Variants in GRIK2 observed in about 807,000 individuals in gnomAD.
GRIK2 encodes glutamate ionotropic receptor kainate type subunit 2.
GRIK2 carries 32 observed loss-of-function variants against 100.3 expected under a neutral mutation model. The observed-to-expected ratio is 0.32, with a 90% CI of 0.24 to 0.43. The LOEUF (loss-of-function observed/expected upper bound fraction) is 0.43. Ranked by LOEUF, GRIK2 falls within the 20% of genes least tolerant of loss-of-function variation. The pLI is 1.00. For missense variants in GRIK2, 843 were observed against 1,114.9 expected, an observed-to-expected ratio of 0.76 and a Z score of 3.47; for synonymous variants, 417 against 389.4, an observed-to-expected ratio of 1.07 and a Z score of -0.83.
intron 1 of GRIK2, among the ~76,000 whole-genome samples, chr6:101,395,971 TATATAATTGCCTG>T (rs1774988998): frequency 6.6e-6 from 1 of 152,180 alleles, no homozygotes; most frequent in African/African-American, 2.4e-5. Context: ...TTACTAAGTA[TATATAATTGCCTG>T]ATATCCAATA....
intron 2 of GRIK2, among the ~76,000 whole-genome samples, chr6:101,465,614 G>T (rs2128253874): frequency 6.6e-6 from 1 of 152,220 alleles, no homozygotes; most frequent in African/African-American, 2.4e-5. Context: ...TCACCCAGTA[G>T]ATCTGCGGTG....
intron 14 of GRIK2, among the ~76,000 whole-genome samples, chr6:102,033,832 G>A (rs1215222988): frequency 6.6e-6 from 1 of 151,390 alleles, no homozygotes; most frequent in African/African-American, 2.4e-5. Flanking sequence ...TGTTAGTATT[G>A]TAGATCAGAT....
At chr6:101,434,193 A>G (rs1769586433) in intron 2 of GRIK2, among the ~76,000 whole-genome samples, 1 of 152,218 alleles carries the variant, frequency 6.6e-6, no homozygotes, top group Non-Finnish European at 1.5e-5. Flanking sequence ...GCAGAGTTCT[A>G]GAGGCCTTCA....
At position 101,780,016 on chromosome 6, in the gene GRIK2, A is replaced by G. The variant is rs77865889; in HGVS notation, c.952-19632A>G. On this transcript the variant is annotated intron_variant, in intron 7 of 16. Transcript: ENST00000369134. ...GATGTAAATGACCACAGATTTATCT[A>G]ACTATCTCATATGGATTTTAATAAC... 7.2e-3 allele frequency among the ~76,000 whole-genome samples: 1,097 copies of G among 152,250 alleles called. 7 individuals are homozygous for G. The highest frequency in any genetic ancestry group is 9.8e-3 in the Non-Finnish European group (665 of 68,014).
At position 101,784,533 on chromosome 6, in the gene GRIK2, A is replaced by G. The variant is rs551370804; in HGVS notation, c.952-15115A>G. ...ATTGGTTTTGAAAGGTGAAAAGTAC[A>G]TGAGATTTGTGAGGGACCAGGATTG... On this transcript the variant is annotated intron_variant, in intron 7 of 16. Coordinates refer to ENST00000369134, the MANE Select transcript of GRIK2 (RefSeq NM_021956.5). Among the ~76,000 whole-genome samples the G allele has an allele frequency of 4.2e-4, 64 of 152,320 alleles. No homozygotes were observed. In the Middle Eastern group the frequency reaches 0.01, roughly 24 times the overall value.
At chr6:101,717,366 C>G (rs1166480567) in intron 7 of GRIK2, among the ~76,000 whole-genome samples, 3 of 151,706 alleles carry the variant, frequency 2.0e-5, no homozygotes, top group Non-Finnish European at 4.4e-5. Flanking sequence ...TAAGAAAGTT[C>G]TGATTTCTCT....
chr6:102,043,763 A>G (rs1281130155), intron 15 of GRIK2, among the ~76,000 whole-genome samples: 1 of 152,092 alleles, frequency 6.6e-6, no homozygotes, highest in Non-Finnish European at 1.5e-5. Flanking sequence ...AAATCTTTTG[A>G]GTAAATACAT....
In GRIK2 at chr6:101,937,029, C is replaced by T. The variant is rs73761488; in HGVS notation, c.2085+8397C>T. ...TGGAAGGAGCAGCAACTTTTATCTT[C>T]GAAAGTAGCCTCTCTAAAATATCTA... On this transcript the variant is annotated intron_variant, in intron 14 of 16. Transcript: ENST00000369134. Among the ~76,000 whole-genome samples the T allele has an allele frequency of 4.1e-3, 617 of 152,156 alleles. 4 individuals carry two copies. The highest frequency in any genetic ancestry group is 0.013 in the African/African-American group (555 of 41,536).
chr6:101,479,574 A>C (rs1394383665), intron 2 of GRIK2, among the ~76,000 whole-genome samples: 2 of 152,086 alleles, frequency 1.3e-5, no homozygotes, highest in Non-Finnish European at 2.9e-5. Context: ...TTACTGATTA[A>C]GTTATTATTT....
intron 7 of GRIK2, among the ~76,000 whole-genome samples, chr6:101,690,958 C>T (rs1027548044): frequency 6.6e-6 from 1 of 152,082 alleles, no homozygotes; most frequent in African/African-American, 2.4e-5. Flanking sequence ...AAAGTTAACT[C>T]TAGTGCTTTA....
At chr6:101,400,852 T>C (rs1004532535) in intron 2 of GRIK2, among the ~76,000 whole-genome samples, 40 of 152,154 alleles carry the variant, frequency 2.6e-4, no homozygotes, top group African/African-American at 8.9e-4. Context: ...ATTCCCACTG[T>C]AGTAGTTTTC....
Position 101,399,231 on chromosome 6 carries a change from C to T in GRIK2, c.-47C>T, listed in dbSNP as rs369245315. 9.0e-5 allele frequency: 82 copies of T among 909,792 alleles called. No homozygotes were observed. The highest frequency in any genetic ancestry group is 1.4e-4 in the Non-Finnish European group (74 of 536,970). 56.4% of individuals were successfully genotyped at this position (909,792 alleles called of 1,614,324 possible). On this transcript the variant is annotated 5_prime_UTR_variant, in exon 2 of 17. The change creates a new upstream start codon in the 5' untranslated region. Transcript: ENST00000369134. ...TTTCTACCCGAACCCAGGAGCCGAA[C>T]GCTAGATCGGGGAAGTGGGTGCCGT...
At position 101,745,815 on chromosome 6, in the gene GRIK2, A is replaced by G. The variant is rs897531025; in HGVS notation, c.952-53833A>G. 2.6e-5 allele frequency among the ~76,000 whole-genome samples: 4 copies of G among 152,284 alleles called. No homozygotes were observed. In the East Asian group the frequency reaches 7.7e-4, roughly 29 times the overall value. ...AACACTTCAATTTTTAAATAACTCC[A>G]TTTTAATATTTTGTGATTGAGCTAT... is the stretch of plus-strand genomic sequence containing the variant. On this transcript the variant is annotated intron_variant, in intron 7 of 16. Transcript: ENST00000369134.
intron 7 of GRIK2, among the ~76,000 whole-genome samples, chr6:101,723,179 T>C (rs1372971527): frequency 6.6e-6 from 1 of 152,050 alleles, no homozygotes; most frequent in Non-Finnish European, 1.5e-5. Context: ...AAGTAATTTC[T>C]CCATGGCCAG....
At chr6:101,509,991 G>A (rs536370424) in intron 2 of GRIK2, among the ~76,000 whole-genome samples, 14 of 152,182 alleles carry the variant, frequency 9.2e-5, no homozygotes, top group African/African-American at 2.2e-4. Context: ...AGAAATAAAT[G>A]TGAATTTCTG....
intron 2 of GRIK2, among the ~76,000 whole-genome samples, chr6:101,422,166 C>T (rs1378166209): frequency 6.6e-6 from 1 of 152,162 alleles, no homozygotes; most frequent in Non-Finnish European, 1.5e-5. Flanking sequence ...GGAAGTACCA[C>T]CTCTGAGAAT....
intron 14 of GRIK2, among the ~76,000 whole-genome samples, chr6:101,931,410 A>C (rs1427513097): frequency 6.6e-6 from 1 of 152,170 alleles, no homozygotes; most frequent in Non-Finnish European, 1.5e-5. Context: ...CCTTGCTGTT[A>C]ACTAATTGTT....
intron 2 of GRIK2, among the ~76,000 whole-genome samples, chr6:101,595,955 A>AT (rs61558249): frequency 1.4e-3 from 198 of 141,922 alleles, no homozygotes; most frequent in African/African-American, 2.3e-3. Flanking sequence ...ATTCATTAAA[A>AT]TTTTTTTTTT....
chr6:101,841,525 G>A (rs975461661), intron 10 of GRIK2, among the ~76,000 whole-genome samples: 1 of 151,828 alleles, frequency 6.6e-6, no homozygotes, highest in Non-Finnish European at 1.5e-5. Context: ...CACCATGCCC[G>A]GCTAAGTTTT....
Sources: allele counts gnomAD v4.1 joint callset (sites outside exome capture counted in the v4.1 genomes callset), GRCh38; gene constraint gnomAD v4.1.1; transcripts MANE v1.5; gene names NCBI Gene and HGNC (gene_info 2026-07-23, HGNC 2026-07-21).